The following RIT2 variants were observed in gnomAD, a reference collection of about 807,000 sequenced individuals.
RIT2 encodes the protein Ras like without CAAX 2.
RIT2 carries 24 observed loss-of-function variants against 23.7 expected under a neutral mutation model. The ratio of observed to expected loss-of-function variants is 1.01; its 90% CI spans 0.73 to 1.43. RIT2 has a LOEUF of 1.43. Among genes scored for constraint, RIT2 ranks in the 40% most tolerant of loss-of-function variants. The pLI is 0.00. For synonymous variants in RIT2, 107 were observed against 91.1 expected (o/e 1.17, Z -0.99); for missense variants, 236 against 266.9 (o/e 0.88, Z 0.81).
At chr18:42,753,533 C>G (rs900665837) in intron 4 of RIT2, among the ~76,000 whole-genome samples, 1 of 152,076 alleles carries the variant, frequency 6.6e-6, no homozygotes, top group African/African-American at 2.4e-5. Context: ...ATACAGCAAA[C>G]TCTTTGGATT....
intron 3 of RIT2, among the ~76,000 whole-genome samples, chr18:42,936,260 A>G (rs544189398): frequency 1.3e-5 from 2 of 152,248 alleles, no homozygotes; most frequent in Admixed American, 1.3e-4. Flanking sequence ...ATAAATAAAT[A>G]AACAAACATT....
chr18:43,016,722 A>C (rs1911484233), intron 2 of RIT2, among the ~76,000 whole-genome samples: 1 of 151,840 alleles, frequency 6.6e-6, no homozygotes, highest in Admixed American at 6.6e-5. Flanking sequence ...AGAATATGGA[A>C]AATTGACATA....
chr18:42,826,351 C>A (rs1459405605), intron 4 of RIT2, among the ~76,000 whole-genome samples: 1 of 152,020 alleles, frequency 6.6e-6, no homozygotes, highest in African/African-American at 2.4e-5. Context: ...TTAGGTTTAT[C>A]TCAACATGAT....
intron 2 of RIT2, among the ~76,000 whole-genome samples, chr18:43,030,052 C>T (rs909770032): frequency 6.6e-6 from 1 of 151,914 alleles, no homozygotes; most frequent in African/African-American, 2.4e-5. Context: ...ATATCATCTG[C>T]CATATGTTCA....
chr18:42,927,369 GGTGTGTGTGTGTGTGT>G (rs60819423), intron 3 of RIT2, among the ~76,000 whole-genome samples: 1 of 147,834 alleles, frequency 6.8e-6, no homozygotes, highest in East Asian at 2.0e-4. Flanking sequence ...ATGTGGATGT[GGTGTGTGTGTGTGTGT>G]GTGTGTGTGT....
chr18:43,076,100 C>T (rs1298744201), intron 1 of RIT2, among the ~76,000 whole-genome samples: 1 of 152,146 alleles, frequency 6.6e-6, no homozygotes, highest in Non-Finnish European at 1.5e-5. Context: ...AATATCTAAG[C>T]TCTATTCAAT....
chr18:43,046,483 G>A (rs1190424592), intron 1 of RIT2, among the ~76,000 whole-genome samples: 7 of 152,196 alleles, frequency 4.6e-5, no homozygotes, highest in Non-Finnish European at 1.0e-4. Context: ...AGTACCCTGA[G>A]ATGAGCTCTG....
chr18:43,087,753 A>G (rs1317870048), intron 1 of RIT2, among the ~76,000 whole-genome samples: 2 of 152,008 alleles, frequency 1.3e-5, no homozygotes, highest in African/African-American at 2.4e-5. Flanking sequence ...ATTGAACAAT[A>G]TTTCTTTTTC....
intron 4 of RIT2, among the ~76,000 whole-genome samples, chr18:42,765,769 A>T (rs1345603679): frequency 1.3e-5 from 2 of 152,166 alleles, no homozygotes; most frequent in Non-Finnish European, 2.9e-5. Flanking sequence ...CTGAGACCCC[A>T]CCCAAATCTC....
intron 2 of RIT2, among the ~76,000 whole-genome samples, chr18:43,023,231 TCTC>T (rs1171779544): frequency 6.6e-6 from 1 of 152,084 alleles, no homozygotes; most frequent in Non-Finnish European, 1.5e-5. Flanking sequence ...AATTATGATT[TCTC>T]CTCTTTTATG....
chr18:43,082,688 C>A (rs1395619916), intron 1 of RIT2, among the ~76,000 whole-genome samples: 2 of 149,024 alleles, frequency 1.3e-5, no homozygotes, highest in African/African-American at 2.5e-5. Context: ...CCTCTTCATG[C>A]AAAAAAAAAC....
chr18:42,935,873 C>T (rs1909442537), intron 3 of RIT2, among the ~76,000 whole-genome samples: 2 of 151,978 alleles, frequency 1.3e-5, no homozygotes, highest in South Asian at 4.2e-4. Context: ...ATTGGCTATC[C>T]ACTATGCGGA....
intron 4 of RIT2, among the ~76,000 whole-genome samples, chr18:42,872,279 T>C (rs1314268106): frequency 6.6e-6 from 1 of 152,212 alleles, no homozygotes; most frequent in Non-Finnish European, 1.5e-5. Context: ...CAGATATGTC[T>C]TGTTTGTTGC....
chr18:42,743,666 C>A lies in RIT2; in HGVS notation c.481G>T (p.Glu161Ter). Reference protein sequence around the residue: ...LAQEYNCGFFETSAALRFCID... With the variant: ...LAQEYNCGFF ...CAGAATCTGAGGGCTGCAGAGGTCTCAAAAAAACCACAATTATATTCTTGG... is the reference window on the plus strand; with the variant it reads ...CAGAATCTGAGGGCTGCAGAGGTCTAAAAAAAACCACAATTATATTCTTGG... The change falls in exon 5 of 5, where the codon GAG (glutamate) becomes TAG (stop). Residue 161 changes from glutamate to a stop codon, truncating the protein, a stop_gained. Transcript: ENST00000326695. LOFTEE classifies it high-confidence loss of function. 1.2e-6 allele frequency: 2 copies of A among 1,613,692 alleles called. No homozygotes were observed. Among genetic ancestry groups the A allele is most frequent in the African/African-American group, 2.7e-5 (2 of 74,956 alleles).
chr18:42,793,029 C>T (rs1914077348), intron 4 of RIT2, among the ~76,000 whole-genome samples: 1 of 151,598 alleles, frequency 6.6e-6, no homozygotes, highest in South Asian at 2.1e-4. Flanking sequence ...GCTCCCTCTT[C>T]ACAAGCACTC....
At chr18:43,084,013 A>G (rs922921464) in intron 1 of RIT2, among the ~76,000 whole-genome samples, 42 of 152,290 alleles carry the variant, frequency 2.8e-4, no homozygotes, top group African/African-American at 1.0e-3. Flanking sequence ...TCCAGAATCC[A>G]TGAGGAACAC....
intron 4 of RIT2, among the ~76,000 whole-genome samples, chr18:42,872,483 G>C (rs1907644708): frequency 6.6e-6 from 1 of 152,108 alleles, no homozygotes; most frequent in Admixed American, 6.6e-5. Context: ...TGCATCCTGT[G>C]CCCAATACTG....
At chr18:42,872,410 A>G (rs769249334) in intron 4 of RIT2, among the ~76,000 whole-genome samples, 3 of 152,214 alleles carry the variant, frequency 2.0e-5, no homozygotes, top group Non-Finnish European at 2.9e-5. Context: ...TTGCTGCCAG[A>G]GGAGAAAGGT....
intron 4 of RIT2, among the ~76,000 whole-genome samples, chr18:42,813,207 T>G (rs891437881): frequency 3.9e-5 from 6 of 152,220 alleles, no homozygotes; most frequent in Non-Finnish European, 7.4e-5. Flanking sequence ...CTCAGTATTT[T>G]CTTTTGAAGG....
Sources: allele counts gnomAD v4.1 joint callset (sites outside exome capture counted in the v4.1 genomes callset), GRCh38; gene constraint gnomAD v4.1.1; transcripts MANE v1.5; gene names NCBI Gene and HGNC (gene_info 2026-07-23, HGNC 2026-07-21).